MAP3K2: variants seen among roughly 807,000 people sequenced by gnomAD.
MAP3K2 encodes MAP/ERK kinase kinase 2.
In MAP3K2, 24 loss-of-function variants were observed where a neutral mutation model predicts 80.3. The observed-to-expected ratio is 0.30, with a 90% CI of 0.22 to 0.42. MAP3K2 has a LOEUF of 0.42. Among genes scored for constraint, MAP3K2 ranks in the 10% least tolerant of loss-of-function variants. The pLI, the probability that MAP3K2 is intolerant of heterozygous loss-of-function variation, is 1.00. For synonymous variants in MAP3K2, 244 were observed against 253.7 expected, an observed-to-expected ratio of 0.96 and a Z score of 0.36; for missense variants, 608 against 750.1, an observed-to-expected ratio of 0.81 and a Z score of 2.21.
chr2:127,317,717 A>G lies in MAP3K2; in HGVS notation c.1238T>C (p.Leu413Ser). Residue 413 changes from leucine to serine, a missense_variant, in exon 14 of 17, where the codon TTG (leucine) becomes TCG (serine). Around this residue, in one of 4 missense-constraint regions of MAP3K2, gnomAD observed 467 missense variants for 521.9 expected, o/e 0.89. Coordinates refer to ENST00000682094, the MANE Select transcript of MAP3K2 (RefSeq NM_001371910.2). ...ATACTGAACAATTCGCTCATGTAGCAAGTTTTTCAGCAACTGAATTTCACA... is the reference window on the plus strand; with the variant it reads ...ATACTGAACAATTCGCTCATGTAGCGAGTTTTTCAGCAACTGAATTTCACA... ...LECEIQLLKN[L>S]LHERIVQYYG... 1 of 1,601,782 alleles carries G rather than the reference A, an allele frequency of 6.2e-7. No individual in the cohort carries two copies. The highest frequency in any genetic ancestry group is 1.3e-5 in the African/African-American group (1 of 74,912).
chr2:127,385,759 AG>A (rs140290098), intron 1 of MAP3K2, among the ~76,000 whole-genome samples: 36,803 of 152,108 alleles, frequency 0.24, 4,666 homozygotes, highest in Middle Eastern at 0.31. Flanking sequence ...CCAACGCTGT[AG>A]GAAATGCAGA....
chr2:127,318,411 C>A, intron 12 of MAP3K2, 94 bp from the exon 13 acceptor site: 1 of 906,468 alleles, frequency 1.1e-6, no homozygotes, highest in South Asian at 4.4e-5. Flanking sequence ...TGACATCCTT[C>A]ATTGAATGTA....
In MAP3K2 at chr2:127,307,892, CCATAT is replaced by C; in HGVS notation, c.1635-93_1635-89del. On this transcript the variant is annotated intron_variant, in intron 16 of 16. Coordinates refer to ENST00000682094, the MANE Select transcript of MAP3K2 (RefSeq NM_001371910.2). This position sits in a 1 kb window ranked among gnomAD's most constrained non-coding sequence, Gnocchi z 5.4. ...AGAAAATGAGAAACAGGCATTAAGT[CCATAT>C]ATATTTAAATATGACTTAATTTCAA... 3 of 784,126 alleles carry C rather than the reference CCATAT, an allele frequency of 3.8e-6. No homozygotes were observed. The highest frequency in any genetic ancestry group is 3.9e-6 in the Non-Finnish European group (2 of 506,344). The allele number at this position is 784,126 out of a possible 1,614,324, so 48.6% of individuals were successfully genotyped here.
chr2:127,325,065 A>G (rs1049501741), intron 9 of MAP3K2, among the ~76,000 whole-genome samples: 2 of 152,222 alleles, frequency 1.3e-5, no homozygotes, highest in Admixed American at 1.3e-4. Flanking sequence ...TCCAAAACCA[A>G]ACATATTAAT....
intron 1 of MAP3K2, among the ~76,000 whole-genome samples, chr2:127,349,218 T>C (rs551712315): frequency 6.6e-6 from 1 of 152,204 alleles, no homozygotes; most frequent in East Asian, 1.9e-4. Flanking sequence ...TAGAGTGCAC[T>C]GGCATGATCA....
At chr2:127,357,121 T>C (rs1686810488) in intron 1 of MAP3K2, among the ~76,000 whole-genome samples, 1 of 152,178 alleles carries the variant, frequency 6.6e-6, no homozygotes, top group Non-Finnish European at 1.5e-5. Context: ...CGGCAAGATC[T>C]TTAAAAAACT....
At chr2:127,349,476 TTCA>T (rs1468218237) in intron 1 of MAP3K2, among the ~76,000 whole-genome samples, 2 of 152,120 alleles carry the variant, frequency 1.3e-5, no homozygotes, top group African/African-American at 4.8e-5. Context: ...AAGTGCTCCC[TTCA>T]TCATGCCTAT....
rs367670762 is a variant in MAP3K2, at chr2:127,366,866, G to GTTTTTT, written c.-66+20580_-66+20585dup. Among the ~76,000 whole-genome samples, 41 of 85,122 alleles carry GTTTTTT rather than the reference G, an allele frequency of 4.8e-4. 1 individual carries two copies. Among genetic ancestry groups the GTTTTTT allele is most frequent in the East Asian group, 8.3e-4 (2 of 2,424 alleles). The allele number at this position is 85,122 out of a possible 152,430, so 55.8% of individuals were successfully genotyped here. ...TTACTAAGCTGTCCCACAGTCAAGG[G>GTTTTTT]TTTTTTTTTTTTTTTTTTTTTTTGA... On this transcript the variant is annotated intron_variant, in intron 1 of 16. Transcript: ENST00000682094.
At chr2:127,379,980 G>T (rs1687218619) in intron 1 of MAP3K2, among the ~76,000 whole-genome samples, 1 of 152,114 alleles carries the variant, frequency 6.6e-6, no homozygotes, top group African/African-American at 2.4e-5. Context: ...TCAGTGCCTA[G>T]AACACAGAAA....
chr2:127,387,118 A>G (rs1229518786), intron 1 of MAP3K2, among the ~76,000 whole-genome samples: 1 of 152,160 alleles, frequency 6.6e-6, no homozygotes, highest in Non-Finnish European at 1.5e-5. Context: ...GTGCAAAGAC[A>G]AGCACTTTTT....
chr2:127,301,142 ACTTC>A lies in MAP3K2; in HGVS notation c.*6433_*6436del, dbSNP rs1685584784. ...TCCTGTACATATAGTAGAAGCAGAT[ACTTC>A]CTTATGTTCCAAAATGTCTATGGCA... is the stretch of plus-strand genomic sequence containing the variant. On this transcript the variant is annotated 3_prime_UTR_variant, in exon 17 of 17. Coordinates refer to ENST00000682094, the MANE Select transcript of MAP3K2 (RefSeq NM_001371910.2). 6.6e-6 allele frequency: 1 copy of A among 152,378 alleles called. No homozygotes were observed. Among genetic ancestry groups the A allele is most frequent in the Non-Finnish European group, 1.5e-5 (1 of 68,044 alleles). 9.4% of individuals were successfully genotyped at this position (152,378 alleles called of 1,614,324 possible).
At chr2:127,308,157 G>A (rs767415766) in intron 16 of MAP3K2, among the ~76,000 whole-genome samples, 3 of 151,942 alleles carry the variant, frequency 2.0e-5, no homozygotes, top group Non-Finnish European at 4.4e-5. Context: ...TAAAATGAAT[G>A]TCTATTAAAG....
chr2:127,300,097 A>G lies in MAP3K2; in HGVS notation c.*7482T>C, dbSNP rs961599619. 6.6e-6 allele frequency: 1 copy of G among 152,166 alleles called. No homozygotes were observed. Among genetic ancestry groups the G allele is most frequent in the Non-Finnish European group, 1.5e-5 (1 of 67,984 alleles). 9.4% of individuals were successfully genotyped at this position (152,166 alleles called of 1,614,324 possible). A position where few individuals can be genotyped will look rare whatever the true frequency, so the allele number is the denominator to read the frequency against. On this transcript the variant is annotated 3_prime_UTR_variant, in exon 17 of 17. Transcript: ENST00000682094. Reference sequence around the variant, plus strand: ...CTTCAACAAAGAACCATAGATAAGTATAGTTTGTAAAAGCAAAAAGGTCCA... The same window carrying G: ...CTTCAACAAAGAACCATAGATAAGTGTAGTTTGTAAAAGCAAAAAGGTCCA...
At chr2:127,323,757 T>C (rs1686073845) in intron 11 of MAP3K2, 145 bp downstream of exon 11, 1 of 453,736 alleles carries the variant, frequency 2.2e-6, no homozygotes, top group Non-Finnish European at 3.9e-6. Flanking sequence ...AAAGCCAAAA[T>C]GCCCATTATA....
At chr2:127,381,021 A>T (rs1349181055) in intron 1 of MAP3K2, among the ~76,000 whole-genome samples, 1 of 152,222 alleles carries the variant, frequency 6.6e-6, no homozygotes, top group Admixed American at 6.5e-5. Context: ...TAAAGTTTAA[A>T]AATTTATCCT....
rs1282168248 is a variant in MAP3K2, at chr2:127,321,896, C to T, written c.1045+150G>A. 4.6e-6 allele frequency: 3 copies of T among 652,296 alleles called. No homozygotes were observed. The African/African-American group carries it at 5.5e-5, about 12-fold the overall frequency. The allele number at this position is 652,296 out of a possible 1,614,324, so 40.4% of individuals were successfully genotyped here. On this transcript the variant is annotated intron_variant, in intron 12 of 16. Transcript: ENST00000682094. This position sits in a 1 kb window ranked among gnomAD's most constrained non-coding sequence, Gnocchi z 4.4. ...GCAGTGATACCATGCTTATACCTGA[C>T]ATTCCAACCACCTTTAGAAACACCA...
At chr2:127,318,419 G>T (rs1685950423) in intron 12 of MAP3K2, 102 bp from the exon 13 acceptor site, 4 of 861,822 alleles carry the variant, frequency 4.6e-6, no homozygotes, top group Middle Eastern at 3.1e-4. Flanking sequence ...TTCATTGAAT[G>T]TACTTGGATA....
rs1686438023 is a variant in MAP3K2 at position 127,339,574 on chromosome 2, ACTT to A, written c.5-527_5-525del. ...ACTGTATTTGGAAATGCTCTTTCAA[ACTT>A]CTTCACCATAAGGTTTGACAAGACT... On this transcript the variant is annotated intron_variant, in intron 2 of 16. Transcript: ENST00000682094. This position sits in a 1 kb window ranked among gnomAD's most constrained non-coding sequence, Gnocchi z 4.2. 6.6e-6 allele frequency among the ~76,000 whole-genome samples: 1 copy of A among 152,184 alleles called. No individual in the cohort carries two copies. Among genetic ancestry groups the A allele is most frequent in the South Asian group, 2.1e-4 (1 of 4,834 alleles).
chr2:127,384,739 C>A (rs1199032146), intron 1 of MAP3K2, among the ~76,000 whole-genome samples: 1 of 151,888 alleles, frequency 6.6e-6, no homozygotes, highest in Admixed American at 6.6e-5. Flanking sequence ...CTCACTGCAG[C>A]CCTGACCTCC....
Sources: allele counts gnomAD v4.1 joint callset (sites outside exome capture counted in the v4.1 genomes callset), GRCh38; gene constraint gnomAD v4.1.1; regional missense constraint gnomAD v4.1.1; non-coding constraint Gnocchi (gnomAD v3.1); transcripts MANE v1.5; gene names NCBI Gene and HGNC (gene_info 2026-07-23, HGNC 2026-07-21).